Variants in NBAS observed in about 807,000 individuals in gnomAD.
NBAS encodes NAG/BC035112 fusion.
In NBAS, 219 loss-of-function variants were observed where a neutral mutation model predicts 302.5. That is an observed-to-expected ratio of 0.72 (90% CI 0.65 to 0.81). The LOEUF (loss-of-function observed/expected upper bound fraction) is 0.81. Ranked by LOEUF, NBAS falls within the 30% of genes least tolerant of loss-of-function variation. The pLI is 0.00. For missense variants in NBAS, 2,932 were observed against 2,841.6 expected (o/e 1.03, Z -0.72); for synonymous variants, 1,118 against 1,021.6 (o/e 1.09, Z -1.80).
chr2:15,135,534 G>A, the NBAS span, among the ~76,000 whole-genome samples: 1 of 152,150 alleles, frequency 6.6e-6, no homozygotes, highest in Non-Finnish European at 1.5e-5. Flanking sequence ...GGTACACAGA[G>A]GAGTGAGCAG....
intron 42 of NBAS, among the ~76,000 whole-genome samples, chr2:15,282,549 A>G (rs953607980): frequency 2.6e-5 from 4 of 152,180 alleles, no homozygotes; most frequent in Non-Finnish European, 5.9e-5. Flanking sequence ...CAGAGTCCCT[A>G]TGACCTGGGA....
At chr2:15,078,801 T>C in the NBAS span, among the ~76,000 whole-genome samples, 1 of 152,198 alleles carries the variant, frequency 6.6e-6, no homozygotes, top group Non-Finnish European at 1.5e-5. Context: ...AGATGACGAC[T>C]TTTATCATTT....
At position 15,179,119 on chromosome 2, in the gene NBAS, G is replaced by A. The variant is rs1387941772; in HGVS notation, c.6712-3C>T. On this transcript the variant is annotated splice_region_variant and splice_polypyrimidine_tract_variant and intron_variant, in intron 50 of 51. Transcript: ENST00000281513. Reference sequence around the variant, plus strand: ...AGCAGACACAGCTCCTTCACACCCTGAAACCACAGAGCAGGGGTGAGCGAG... The same window carrying A: ...AGCAGACACAGCTCCTTCACACCCTAAAACCACAGAGCAGGGGTGAGCGAG... 1.9e-6 allele frequency: 3 copies of A among 1,613,972 alleles called. No individual in the cohort carries two copies. The highest frequency in any genetic ancestry group is 2.5e-6 in the Non-Finnish European group (3 of 1,180,014).
At chr2:14,849,270 G>A in the NBAS span, among the ~76,000 whole-genome samples, 44,151 of 151,892 alleles carry the variant, frequency 0.29, 7,073 homozygotes, top group East Asian at 0.4. Flanking sequence ...CGAGAACTAC[G>A]TGAAGAATGA....
chr2:14,908,347 AGC>A, the NBAS span, among the ~76,000 whole-genome samples: 2 of 152,224 alleles, frequency 1.3e-5, no homozygotes, highest in African/African-American at 4.8e-5. Context: ...TGGGTGACAG[AGC>A]GAGACTCCGT....
At chr2:14,858,365 T>G in the NBAS span, among the ~76,000 whole-genome samples, 2 of 152,232 alleles carry the variant, frequency 1.3e-5, no homozygotes, top group South Asian at 2.1e-4. Context: ...GCACTCCATA[T>G]TCATTGCAGC....
At chr2:15,319,105 C>A (rs190890243) in intron 38 of NBAS, among the ~76,000 whole-genome samples, 36 of 152,254 alleles carry the variant, frequency 2.4e-4, no homozygotes, top group Non-Finnish European at 4.7e-4. Context: ...CACTCAAAAC[C>A]ACACAACAAC....
At position 15,374,348 on chromosome 2, in the gene NBAS, A is replaced by C. The variant is rs10166429; in HGVS notation, c.3703+260T>G. On this transcript the variant is annotated intron_variant, in intron 31 of 51. Transcript: ENST00000281513. Reference sequence around the variant, plus strand: ...TTTTTTGTTTTTACTCTATACCCTCACTGCTCTGTTACCGATGTTATTTCT... The same window carrying C: ...TTTTTTGTTTTTACTCTATACCCTCCCTGCTCTGTTACCGATGTTATTTCT... Among the ~76,000 whole-genome samples the C allele has an allele frequency of 0.62, 94,859 of 151,868 alleles. 30,361 individuals are homozygous for C. Among genetic ancestry groups the C allele is most frequent in the Middle Eastern group, 0.68 (199 of 292 alleles).
chr2:14,780,396 G>T, the NBAS span, among the ~76,000 whole-genome samples: 1 of 152,184 alleles, frequency 6.6e-6, no homozygotes, highest in African/African-American at 2.4e-5. Context: ...ATTCCTGCAG[G>T]AAATGAAATT....
chr2:14,801,010 C>T, the NBAS span, among the ~76,000 whole-genome samples: 1 of 151,990 alleles, frequency 6.6e-6, no homozygotes. Flanking sequence ...AAGATCTTTT[C>T]ACTGGGTATA....
the NBAS span, among the ~76,000 whole-genome samples, chr2:14,867,193 T>C: frequency 1.3e-5 from 2 of 152,216 alleles, no homozygotes; most frequent in Admixed American, 6.5e-5. Flanking sequence ...AGCCAACCTT[T>C]CTGGCTAAGG....
intron 21 of NBAS, among the ~76,000 whole-genome samples, chr2:15,452,244 C>A (rs542637029): frequency 6.6e-6 from 1 of 152,018 alleles, no homozygotes; most frequent in South Asian, 2.1e-4. Context: ...GTTAAGATGG[C>A]AAATTTTATG....
At chr2:14,942,774 A>G in the NBAS span, among the ~76,000 whole-genome samples, 2 of 152,236 alleles carry the variant, frequency 1.3e-5, no homozygotes, top group African/African-American at 4.8e-5. Context: ...GGCCTGGCCC[A>G]AGCACATAGT....
intron 45 of NBAS, among the ~76,000 whole-genome samples, chr2:15,235,632 T>A (rs548408520): frequency 2.0e-5 from 3 of 152,308 alleles, no homozygotes; most frequent in South Asian, 4.1e-4. Context: ...CATGTTATAG[T>A]GGTTATTTTA....
chr2:15,130,960 T>C, the NBAS span, among the ~76,000 whole-genome samples: 2 of 152,214 alleles, frequency 1.3e-5, no homozygotes, highest in Admixed American at 6.5e-5. Flanking sequence ...TTTCTAAACT[T>C]GATAGTTTTT....
the NBAS span, among the ~76,000 whole-genome samples, chr2:15,107,376 A>G: frequency 2.0e-5 from 3 of 152,128 alleles, no homozygotes; most frequent in Non-Finnish European, 4.4e-5. Context: ...CCAGACTGTG[A>G]GGAAATAAAT....
At chr2:14,786,106 A>C in the NBAS span, among the ~76,000 whole-genome samples, 4 of 151,910 alleles carry the variant, frequency 2.6e-5, no homozygotes, top group Non-Finnish European at 5.9e-5. Context: ...AGTTTATTTG[A>C]GTAGAGGTGT....
the NBAS span, among the ~76,000 whole-genome samples, chr2:14,944,049 C>G: frequency 6.6e-6 from 1 of 152,334 alleles, no homozygotes; most frequent in Middle Eastern, 3.4e-3. Context: ...CCTGTAATCC[C>G]AGCACTTTGG....
chr2:15,022,908 A>G, the NBAS span, among the ~76,000 whole-genome samples: 5 of 152,024 alleles, frequency 3.3e-5, no homozygotes, highest in African/African-American at 9.7e-5. Flanking sequence ...TATATGAATG[A>G]TATTACATGT....
Sources: allele counts gnomAD v4.1 joint callset (sites outside exome capture counted in the v4.1 genomes callset), GRCh38; gene constraint gnomAD v4.1.1; transcripts MANE v1.5; gene names NCBI Gene and HGNC (gene_info 2026-07-23, HGNC 2026-07-21).